CHD4: variants seen among roughly 807,000 people sequenced by gnomAD.
CHD4 encodes chromodomain helicase DNA binding protein 4.
Under a neutral mutation model 235.5 loss-of-function variants are expected in CHD4, and 35 were observed. That is an observed-to-expected ratio of 0.15 (90% confidence interval 0.11 to 0.20). The LOEUF is 0.20. CHD4 is among the 10% of genes least tolerant of loss of function. The pLI is 1.00. For missense variants in CHD4, 1,329 were observed against 2,432.3 expected (o/e 0.55, Z 9.54); for synonymous variants, 900 against 850.2 (o/e 1.06, Z -1.02).
Position 6,591,589 on chromosome 12 carries a change from AAAG to A in CHD4, c.3223-9_3223-7del. On this transcript the variant is annotated splice_polypyrimidine_tract_variant and splice_region_variant and intron_variant, in intron 21 of 39. Coordinates refer to ENST00000544040, the MANE Select transcript of CHD4 (RefSeq NM_001273.5). ...AGGTCTAGCATCTTGGTCATCTGCA[AAAG>A]AAGCACGGTTTAATTATGGAAGAGT... The A allele has an allele frequency of 6.2e-7, 1 of 1,614,084 alleles. No homozygotes were observed.
rs1948095689 is a variant in CHD4, at chr12:6,577,704, T to C, written c.5361+81A>G. The C allele has an allele frequency of 1.3e-5, 20 of 1,568,808 alleles. No individual in the cohort carries two copies. The South Asian group carries it at 2.3e-4, about 18-fold the overall frequency. ...AAGAAAGTGAGAACAGTGCGCTGGATGGACAGACTCCCTCTGCTGCAGGAC... is the reference window on the plus strand; with the variant it reads ...AAGAAAGTGAGAACAGTGCGCTGGACGGACAGACTCCCTCTGCTGCAGGAC... On this transcript the variant is annotated intron_variant, in intron 37 of 39. Coordinates refer to ENST00000544040, the MANE Select transcript of CHD4 (RefSeq NM_001273.5).
Position 6,574,422 on chromosome 12 carries a change from T to A in CHD4, c.5362-1153A>T, listed in dbSNP as rs550708661. The stretch of plus-strand genomic sequence containing the variant: ...CAAAAACACTCATGCACATGTCATC[T>A]GATGGAGCTGTATTAAAGATTCTTT... On this transcript the variant is annotated intron_variant, in intron 37 of 39. Transcript: ENST00000544040. 2.6e-4 allele frequency among the ~76,000 whole-genome samples: 39 copies of A among 152,304 alleles called. No homozygotes were observed. In the South Asian group the frequency reaches 8.1e-3, roughly 32 times the overall value.
At chr12:6,592,918 C>A in intron 17 of CHD4, 101 bp from the exon 18 acceptor site, 1 of 1,518,522 alleles carries the variant, frequency 6.6e-7, no homozygotes, top group Non-Finnish European at 8.9e-7. Flanking sequence ...TTAAGCATCC[C>A]ACTCCTCACA....
chr12:6,577,596 A>T, intron 37 of CHD4, 189 bp downstream of exon 37: 2 of 689,984 alleles, frequency 2.9e-6, no homozygotes, highest in Admixed American at 2.8e-5. Flanking sequence ...CCTACAGCTC[A>T]TGTACAGTTA....
intron 2 of CHD4, among the ~76,000 whole-genome samples, chr12:6,602,754 T>C (rs1948620181): frequency 6.6e-6 from 1 of 152,130 alleles, no homozygotes; most frequent in Non-Finnish European, 1.5e-5. Context: ...GCCTCCTCTC[T>C]CCCGTTCCTA....
intron 10 of CHD4, among the ~76,000 whole-genome samples, 183 bp downstream of exon 10, chr12:6,599,590 A>G (rs1359503037): frequency 3.3e-5 from 5 of 152,192 alleles, no homozygotes; most frequent in Non-Finnish European, 7.3e-5. Context: ...TCAACTCCTC[A>G]GTTTGAAGTT....
At chr12:6,572,380 C>G (rs1316359801) in intron 38 of CHD4, among the ~76,000 whole-genome samples, 1 of 149,270 alleles carries the variant, frequency 6.7e-6, no homozygotes, top group Admixed American at 6.7e-5. Flanking sequence ...GGGCCAAGAT[C>G]ACACCACTGC....
At chr12:6,573,508 C>T (rs1449545841) in intron 37 of CHD4, 4 of 306,052 alleles carry the variant, frequency 1.3e-5, no homozygotes, top group Non-Finnish European at 1.8e-5. Flanking sequence ...TATACAAAAG[C>T]GATAAAAACT....
intron 14 of CHD4, among the ~76,000 whole-genome samples, chr12:6,595,105 A>G (rs187427086): frequency 2.6e-4 from 39 of 152,248 alleles, no homozygotes; most frequent in Admixed American, 7.2e-4. Context: ...CACTTCTTCA[A>G]TCATTCAAAA....
chr12:6,604,325 G>A (rs1361968773), intron 2 of CHD4, among the ~76,000 whole-genome samples: 5 of 152,022 alleles, frequency 3.3e-5, no homozygotes, highest in Admixed American at 3.3e-4. Context: ...CATGTTCTTA[G>A]CTCTTAACCC....
chr12:6,599,277 T>C (rs764861587), intron 10 of CHD4, among the ~76,000 whole-genome samples: 1 of 152,032 alleles, frequency 6.6e-6, no homozygotes, highest in East Asian at 1.9e-4. Context: ...ACAGAGATTT[T>C]TTTTTTTTAA....
At chr12:6,577,702 G>T (rs1012497341) in intron 37 of CHD4, 83 bp downstream of exon 37, 72 of 1,561,860 alleles carry the variant, frequency 4.6e-5, no homozygotes, top group Non-Finnish European at 6.0e-5. Flanking sequence ...CAGTGCGCTG[G>T]ATGGACAGAC....
chr12:6,598,656 A>C (rs866048109), intron 10 of CHD4, among the ~76,000 whole-genome samples: 4 of 152,172 alleles, frequency 2.6e-5, no homozygotes, highest in African/African-American at 9.7e-5. Flanking sequence ...TAAAAATACA[A>C]AAATTAGCTG....
chr12:6,602,208 G>A, intron 3 of CHD4, 33 bp from the exon 4 acceptor site: 1 of 1,610,048 alleles, frequency 6.2e-7, no homozygotes, highest in Non-Finnish European at 8.5e-7. Context: ...GAGGGAGACA[G>A]ACACACACAT....
intron 25 of CHD4, chr12:6,586,841 G>A (rs1948305504): frequency 6.6e-6 from 1 of 152,552 alleles, no homozygotes; most frequent in Non-Finnish European, 1.5e-5. Flanking sequence ...GGGACTACAG[G>A]TGTGCTTCAT....
intron 34 of CHD4, 94 bp from the exon 35 acceptor site, chr12:6,578,640 C>T (rs1948115121): frequency 6.4e-7 from 1 of 1,570,916 alleles, no homozygotes; most frequent in Non-Finnish European, 8.7e-7. Flanking sequence ...AATCCATCCA[C>T]CTACACCCCT....
intron 1 of CHD4, 106 bp from the exon 2 acceptor site, chr12:6,606,557 G>A: frequency 4.0e-6 from 2 of 497,774 alleles, no homozygotes; most frequent in Non-Finnish European, 7.1e-6. Context: ...CACCCTAGCA[G>A]GGCACCCGAA....
At position 6,604,789 on chromosome 12, in the gene CHD4, C is replaced by T. The variant is rs986671242; in HGVS notation, c.100+1485G>A. On this transcript the variant is annotated intron_variant, in intron 2 of 39. Coordinates refer to ENST00000544040, the MANE Select transcript of CHD4 (RefSeq NM_001273.5). ...GGTGTGGCAAGTGGAAAAAGTGGGT[C>T]ATGCTACAGCTCAGGACAGAGTTCA... Among the ~76,000 whole-genome samples the T allele has an allele frequency of 2.0e-5, 3 of 152,178 alleles. No homozygotes were observed. The East Asian group carries it at 5.8e-4, about 29-fold the overall frequency.
Position 6,582,936 on chromosome 12 carries a change from G to A in CHD4, c.4148C>T (p.Ala1383Val), listed in dbSNP as rs775086431. The A allele has an allele frequency of 3.1e-6, 5 of 1,612,788 alleles. No homozygotes were observed. The highest frequency in any genetic ancestry group is 1.7e-6 in the Non-Finnish European group (2 of 1,179,572). ...GDEDFDERSE[A>V]PRRPSRKGLR... The stretch of plus-strand genomic sequence containing the variant: ...GCCCTTACGACTGGGCCTACGGGGA[G>A]CTGCAAGAAGAAAAAGATGAATGAG... Residue 1383 changes from alanine to valine, a missense_variant and splice_region_variant, in exon 28 of 40, where the codon GCT (alanine) becomes GTT (valine). Coordinates refer to ENST00000544040, the MANE Select transcript of CHD4 (RefSeq NM_001273.5).
Sources: gnomAD v4.1 joint callset for allele counts (sites outside exome capture counted in the v4.1 genomes callset) on GRCh38, gnomAD v4.1.1 for gene constraint, MANE v1.5 for transcripts, NCBI Gene and HGNC (gene_info 2026-07-23, HGNC 2026-07-21) for gene names.